Variants in IRAG1 observed in about 807,000 individuals in gnomAD.
The protein encoded by IRAG1 is inositol 1,4,5-triphosphate receptor associated 1, also known as IP3R-associated cGMP kinase substrate.
IRAG1 carries 62 observed loss-of-function variants against 106.2 expected under a neutral mutation model. The observed-to-expected ratio is 0.58, with a 90% CI of 0.48 to 0.72. The LOEUF is 0.72. IRAG1 is among the 30% of genes least tolerant of loss of function. The probability of loss-of-function intolerance (pLI) is 0.00; values close to 1 mark genes in which losing one functional copy is unlikely to be tolerated. For synonymous variants in IRAG1, 462 were observed against 443.9 expected, an observed-to-expected ratio of 1.04 and a Z score of -0.51; for missense variants, 1,064 against 1,140.7, an observed-to-expected ratio of 0.93 and a Z score of 0.97.
At chr11:10,692,568 C>T (rs187835603) in intron 1 of IRAG1, among the ~76,000 whole-genome samples, 51 of 152,232 alleles carry the variant, frequency 3.4e-4, no homozygotes, top group Admixed American at 3.3e-3. Flanking sequence ...TCCTTTGGAC[C>T]CCCAGCCTCA....
intron 18 of IRAG1, among the ~76,000 whole-genome samples, chr11:10,584,740 T>C (rs2134127880): frequency 6.6e-6 from 1 of 151,984 alleles, no homozygotes; most frequent in African/African-American, 2.4e-5. Context: ...CTCCAAAACA[T>C]GCAAATTATT....
At chr11:10,642,304 T>C (rs953471503) in intron 2 of IRAG1, among the ~76,000 whole-genome samples, 19 of 152,224 alleles carry the variant, frequency 1.2e-4, no homozygotes, top group Non-Finnish European at 2.5e-4. Flanking sequence ...ATTTCACTCA[T>C]AGATTCTCAG....
chr11:10,647,114 G>T lies in IRAG1; in HGVS notation c.225+4911C>A, dbSNP rs1309147831. 6.6e-6 allele frequency among the ~76,000 whole-genome samples: 1 copy of T among 152,188 alleles called. No individual in the cohort carries two copies. The highest frequency in any genetic ancestry group is 1.5e-5 in the Non-Finnish European group (1 of 68,040). ...GCTCTGAAGTTGGCCCTTCTGAGGT[G>T]AGTGGCTTTGGGAACACAGGACAAC... is the stretch of plus-strand genomic sequence containing the variant. On this transcript the variant is annotated intron_variant, in intron 2 of 20. Transcript: ENST00000423302. The surrounding 1 kb of genome is among the most constrained non-coding windows in gnomAD (Gnocchi z 4.3).
chr11:10,593,335 A>G lies in IRAG1; in HGVS notation c.2175+157T>C, dbSNP rs544594486. 6 of 573,386 alleles carry G rather than the reference A, an allele frequency of 1.0e-5. No individual in the cohort carries two copies. The South Asian group carries it at 1.2e-4, about 12-fold the overall frequency. 35.5% of individuals were successfully genotyped at this position (573,386 alleles called of 1,614,324 possible). The stretch of plus-strand genomic sequence containing the variant: ...GTAGAATACATGCAGCCTGGTGTAT[A>G]TTGAGTTTTTGAGCCTATCACTCAG... On this transcript the variant is annotated intron_variant, in intron 17 of 20. Coordinates refer to ENST00000423302, the MANE Select transcript of IRAG1 (RefSeq NM_130385.4).
Position 10,647,630 on chromosome 11 carries a change from CCT to C in IRAG1, c.225+4393_225+4394del, listed in dbSNP as rs368400314. On this transcript the variant is annotated intron_variant, in intron 2 of 20. Coordinates refer to ENST00000423302, the MANE Select transcript of IRAG1 (RefSeq NM_130385.4). The surrounding 1 kb of genome is among the most constrained non-coding windows in gnomAD (Gnocchi z 4.3). The stretch of plus-strand genomic sequence containing the variant: ...ATTGGGCTCTTACAGCTAACATGAG[CCT>C]CTTTGTACCCTCAGGTTTACAAGGC... 6.6e-6 allele frequency among the ~76,000 whole-genome samples: 1 copy of C among 152,248 alleles called. No homozygotes were observed. Among genetic ancestry groups the C allele is most frequent in the African/African-American group, 2.4e-5 (1 of 41,544 alleles).
intron 3 of IRAG1, 143 bp from the exon 4 acceptor site, chr11:10,632,204 T>C (rs1856752797): frequency 6.4e-6 from 4 of 626,236 alleles, no homozygotes; most frequent in South Asian, 6.0e-5. Context: ...TTTTTTTTTT[T>C]TGACTCAGTT....
chr11:10,611,442 G>T (rs1281574292), intron 10 of IRAG1: 2 of 152,150 alleles, frequency 1.3e-5, no homozygotes, highest in African/African-American at 2.4e-5. Context: ...AACATATGAG[G>T]TCTAATAATC....
chr11:10,609,846 G>A lies in IRAG1; in HGVS notation c.1453C>T (p.Pro485Ser), dbSNP rs1156677773. 2 of 1,611,876 alleles carry A rather than the reference G, an allele frequency of 1.2e-6. No homozygotes were observed. The highest frequency in any genetic ancestry group is 1.7e-6 in the Non-Finnish European group (2 of 1,179,080). Residue 485 changes from proline (P) to serine (S), a missense_variant, in exon 11 of 21, where the codon CCT becomes TCT. Transcript: ENST00000423302. ...SEAAEQEKGL[P>S]SELSPAIEEE... is the part of the protein sequence containing the mutation. ...TCAATAGCTGGGGAGAGTTCAGAAG[G>A]AAGCCCTGAAAAAAAAGTGCTTACT... is the stretch of plus-strand genomic sequence containing the variant.
At chr11:10,613,729 G>A (rs1311275130) in intron 10 of IRAG1, among the ~76,000 whole-genome samples, 2 of 150,096 alleles carry the variant, frequency 1.3e-5, no homozygotes, top group Non-Finnish European at 2.9e-5. Context: ...TGTGAAGGTG[G>A]GAAGATATTC....
chr11:10,667,828 G>C (rs928802071), intron 1 of IRAG1, among the ~76,000 whole-genome samples: 3 of 152,152 alleles, frequency 2.0e-5, no homozygotes, highest in Non-Finnish European at 4.4e-5. Context: ...AGAATATCTG[G>C]GAATAGGGCC....
chr11:10,607,606 G>A (rs544790479), intron 11 of IRAG1, among the ~76,000 whole-genome samples: 6 of 152,168 alleles, frequency 3.9e-5, no homozygotes, highest in African/African-American at 1.4e-4. Flanking sequence ...TTCCTGTGCT[G>A]GGGCGGGGAG....
chr11:10,686,126 A>G (rs990093965), intron 1 of IRAG1, among the ~76,000 whole-genome samples: 2 of 152,218 alleles, frequency 1.3e-5, no homozygotes, highest in Admixed American at 1.3e-4. Context: ...GAGGACTCCC[A>G]TGTGCTCAAT....
chr11:10,684,404 C>A (rs1861500158), intron 1 of IRAG1, among the ~76,000 whole-genome samples: 2 of 151,548 alleles, frequency 1.3e-5, no homozygotes, highest in African/African-American at 4.9e-5. Flanking sequence ...GGGAATTGAA[C>A]AATGAGAACA....
At chr11:10,591,700 G>C in intron 17 of IRAG1, 88 bp from the exon 18 acceptor site, 1 of 1,202,460 alleles carries the variant, frequency 8.3e-7, no homozygotes, top group East Asian at 2.6e-5. Context: ...TGCTGGGAGC[G>C]GGGCTGCTGC....
At chr11:10,595,990 C>T (rs1334139021) in intron 15 of IRAG1, among the ~76,000 whole-genome samples, 1 of 152,184 alleles carries the variant, frequency 6.6e-6, no homozygotes, top group Non-Finnish European at 1.5e-5. Context: ...GGATAAGGAC[C>T]TCCAGCCCCA....
chr11:10,629,520 T>G lies in IRAG1; in HGVS notation c.574+18A>C. ...TAGAGGGGCTCAGGGCAGCCACCTG[T>G]ACATCCTGCCACCCTACCTGATGGG... On this transcript the variant is annotated intron_variant, in intron 5 of 20. Coordinates refer to ENST00000423302, the MANE Select transcript of IRAG1 (RefSeq NM_130385.4). The G allele has an allele frequency of 6.2e-7, 1 of 1,608,732 alleles. No homozygotes were observed. The highest frequency in any genetic ancestry group is 8.5e-7 in the Non-Finnish European group (1 of 1,177,416).
At chr11:10,641,406 G>A (rs1172745132) in intron 2 of IRAG1, among the ~76,000 whole-genome samples, 1 of 152,226 alleles carries the variant, frequency 6.6e-6, no homozygotes, top group African/African-American at 2.4e-5. Flanking sequence ...CGGCGCAATG[G>A]AGCATCTCTC....
chr11:10,623,294 C>A (rs1437087133), intron 10 of IRAG1, among the ~76,000 whole-genome samples: 1 of 152,086 alleles, frequency 6.6e-6, no homozygotes, highest in African/African-American at 2.4e-5. Flanking sequence ...GCTGAAGCCT[C>A]ATTTTCAGAA....
rs533956577 is a variant in IRAG1, at chr11:10,677,183, A to G, written c.67+16353T>C. On this transcript the variant is annotated intron_variant, in intron 1 of 20. Coordinates refer to ENST00000423302, the MANE Select transcript of IRAG1 (RefSeq NM_130385.4). Reference sequence around the variant, plus strand: ...TTCCCCACTCTGAAACGCTCCCTCCACTCTCCCAACCCTGTACTTTTCCTG... The same window carrying G: ...TTCCCCACTCTGAAACGCTCCCTCCGCTCTCCCAACCCTGTACTTTTCCTG... Among the ~76,000 whole-genome samples, 6 of 150,580 alleles carry G rather than the reference A, an allele frequency of 4.0e-5. No individual in the cohort carries two copies. The East Asian group carries it at 1.2e-3, about 29-fold the overall frequency.
Sources: gnomAD v4.1 joint callset for allele counts (sites outside exome capture counted in the v4.1 genomes callset) on GRCh38, gnomAD v4.1.1 for gene constraint, Gnocchi (gnomAD v3.1) non-coding constraint, MANE v1.5 for transcripts, NCBI Gene and HGNC (gene_info 2026-07-23, HGNC 2026-07-21) for gene names.